The following BEND3 variants were observed in gnomAD, a reference collection of about 807,000 sequenced individuals.
BEND3 encodes the protein BEN domain-containing protein 3.
In BEND3, 13 loss-of-function variants were observed where a neutral mutation model predicts 60.1. The ratio of observed to expected loss-of-function variants is 0.22; its 90% CI spans 0.14 to 0.34. BEND3 has a LOEUF of 0.34. Ranked by LOEUF, BEND3 falls within the 10% of genes least tolerant of loss-of-function variation. The probability of loss-of-function intolerance (pLI) is 1.00; values close to 1 mark genes in which losing one functional copy is unlikely to be tolerated. For synonymous variants in BEND3, 497 were observed against 491.5 expected (o/e 1.01, Z -0.15); for missense variants, 896 against 1,138.1 (o/e 0.79, Z 3.06).
At chr6:107,108,226 T>A (rs1554237810) in intron 1 of BEND3, among the ~76,000 whole-genome samples, 1 of 152,190 alleles carries the variant, frequency 6.6e-6, no homozygotes, top group Non-Finnish European at 1.5e-5. Context: ...CGCACAACCC[T>A]GCCCGCGCGC....
chr6:107,093,276 C>T (rs781901779), intron 3 of BEND3, among the ~76,000 whole-genome samples: 3 of 151,948 alleles, frequency 2.0e-5, no homozygotes, highest in Non-Finnish European at 2.9e-5. Flanking sequence ...CTGGCTAATA[C>T]GGTGAAACCC....
chr6:107,082,800 T>G (rs1008950110), intron 3 of BEND3, among the ~76,000 whole-genome samples: 14 of 152,228 alleles, frequency 9.2e-5, no homozygotes, highest in African/African-American at 3.4e-4. Flanking sequence ...ACAAGTGAAC[T>G]GATACACTAA....
rs150257161 is a variant in BEND3 at position 107,068,931 on chromosome 6, C to T, written c.2260G>A (p.Ala754Thr). The T allele has an allele frequency of 1.5e-5, 25 of 1,613,724 alleles. No individual in the cohort carries two copies. The highest frequency in any genetic ancestry group is 8.0e-5 in the African/African-American group (6 of 74,860). Residue 754 changes from alanine (A) to threonine (T), a missense_variant, in exon 4 of 4, where the codon GCC becomes ACC. Ala to Thr is a moderately conservative substitution (Grantham distance 58, BLOSUM62 0). This residue lies in a region of BEND3 where 846 missense variants were observed against 1,036.7 expected (regional missense o/e 0.82). Coordinates refer to ENST00000369042, the MANE Select transcript of BEND3 (RefSeq NM_001367314.1). This position sits in a 1 kb window ranked among gnomAD's most constrained non-coding sequence, Gnocchi z 5.8. Reference protein sequence around the residue: ...LVRLFPELFTAENLRLQYNHS... With the variant: ...LVRLFPELFTTENLRLQYNHS... ...TTGTACTGCAGCCGGAGGTTCTCGG[C>T]GGTGAAGAGTTCGGGAAACAGGCGG...
At chr6:107,075,637 T>C (rs1442664578) in intron 3 of BEND3, among the ~76,000 whole-genome samples, 2 of 152,194 alleles carry the variant, frequency 1.3e-5, no homozygotes, top group Non-Finnish European at 2.9e-5. Flanking sequence ...ATCATAACTA[T>C]ATTAGGAGTG....
intron 1 of BEND3, among the ~76,000 whole-genome samples, chr6:107,107,155 TG>T (rs1775834251): frequency 6.6e-6 from 1 of 152,048 alleles, no homozygotes; most frequent in Non-Finnish European, 1.5e-5. Context: ...CCAGCTGGTC[TG>T]GAACTCCTGA....
chr6:107,089,540 C>T (rs1775428221), intron 3 of BEND3, among the ~76,000 whole-genome samples: 1 of 148,256 alleles, frequency 6.7e-6, no homozygotes, highest in South Asian at 2.2e-4. Context: ...GAGCCAAGAT[C>T]GTGCCACTGC....
chr6:107,065,218 AAC>A lies in BEND3; in HGVS notation c.*3484_*3485del, dbSNP rs782284451. On this transcript the variant is annotated 3_prime_UTR_variant, in exon 4 of 4. Coordinates refer to ENST00000369042, the MANE Select transcript of BEND3 (RefSeq NM_001367314.1). ...TTATAACATTTTATATAACTCATAA[AAC>A]AGTGTTTGTATAAAAATTCACACAA... 1 of 152,738 alleles carries A rather than the reference AAC, an allele frequency of 6.5e-6. No individual in the cohort carries two copies. Among genetic ancestry groups the A allele is most frequent in the South Asian group, 2.1e-4 (1 of 4,830 alleles). The allele number at this position is 152,738 out of a possible 1,614,324, so 9.5% of individuals were successfully genotyped here.
intron 1 of BEND3, among the ~76,000 whole-genome samples, chr6:107,107,927 A>G (rs1554237767): frequency 7.9e-5 from 12 of 152,198 alleles, no homozygotes. Flanking sequence ...GAATGTTCCC[A>G]TGCCATCCAC....
intron 3 of BEND3, among the ~76,000 whole-genome samples, chr6:107,078,357 C>T (rs1554233009): frequency 6.6e-6 from 1 of 151,750 alleles, no homozygotes; most frequent in Non-Finnish European, 1.5e-5. Context: ...GGTGGCCTCC[C>T]TTGATGGTGC....
intron 3 of BEND3, among the ~76,000 whole-genome samples, chr6:107,090,842 G>A (rs1173061475): frequency 6.6e-6 from 1 of 152,152 alleles, no homozygotes; most frequent in Non-Finnish European, 1.5e-5. Flanking sequence ...CAGGCGCAGT[G>A]GCTCATGCCT....
At chr6:107,080,964 T>A (rs1457396159) in intron 3 of BEND3, among the ~76,000 whole-genome samples, 1 of 152,124 alleles carries the variant, frequency 6.6e-6, no homozygotes, top group Non-Finnish European at 1.5e-5. Context: ...TTATACAAAT[T>A]TATTTTTTAT....
chr6:107,078,799 T>C (rs747873564), intron 3 of BEND3, among the ~76,000 whole-genome samples: 10 of 151,068 alleles, frequency 6.6e-5, no homozygotes, highest in Non-Finnish European at 1.5e-4. Flanking sequence ...TGCTTGTTCT[T>C]GTATTTTAGC....
intron 3 of BEND3, among the ~76,000 whole-genome samples, chr6:107,085,243 A>G (rs1775319376): frequency 6.6e-6 from 1 of 152,120 alleles, no homozygotes; most frequent in Admixed American, 6.6e-5. Flanking sequence ...CTCTGGACAC[A>G]CCATCTTTAA....
chr6:107,081,906 T>C (rs1775242822), intron 3 of BEND3, among the ~76,000 whole-genome samples: 1 of 152,126 alleles, frequency 6.6e-6, no homozygotes, highest in South Asian at 2.1e-4. Context: ...AAGTGTGACA[T>C]CATTTGTGCA....
intron 1 of BEND3, among the ~76,000 whole-genome samples, chr6:107,108,061 T>A (rs537346122): frequency 6.6e-6 from 1 of 152,354 alleles, no homozygotes; most frequent in African/African-American, 2.4e-5. Context: ...AATTTGTTTT[T>A]ATTTTTAGGC....
chr6:107,110,674 CTTCAGCCTCCCGA>C (rs1431778483), intron 1 of BEND3, among the ~76,000 whole-genome samples: 4 of 152,094 alleles, frequency 2.6e-5, no homozygotes, highest in African/African-American at 9.7e-5. Context: ...GATTCTCCCG[CTTCAGCCTCCCGA>C]GTAGCTGGGA....
At chr6:107,113,723 G>A (rs961170234) in intron 1 of BEND3, among the ~76,000 whole-genome samples, 6 of 152,034 alleles carry the variant, frequency 3.9e-5, no homozygotes, top group Non-Finnish European at 8.8e-5. Context: ...ACAGGCTCTT[G>A]TATGGTAGTA....
intron 1 of BEND3, among the ~76,000 whole-genome samples, chr6:107,114,680 C>A (rs1345036750): frequency 6.8e-6 from 1 of 146,732 alleles, no homozygotes; most frequent in Non-Finnish European, 1.5e-5. Context: ...GCCGCCCCGG[C>A]CGCTCCATCG....
rs1554231972 is a variant in BEND3, at chr6:107,070,914, A to C, written c.277T>G (p.Ser93Ala). Residue 93 changes from serine to alanine, a missense_variant, in exon 4 of 4, where the codon TCG becomes GCG. Physicochemically the swap from Ser to Ala is moderately conservative, Grantham distance 99. Transcript: ENST00000369042. The surrounding 1 kb of genome is among the most constrained non-coding windows in gnomAD (Gnocchi z 6.9). Reference protein sequence around the residue: ...LAGMRNRENSSPCQGNGEQAG... With the variant: ...LAGMRNRENSAPCQGNGEQAG... The stretch of plus-strand genomic sequence containing the variant: ...TGCTCACCATTGCCTTGGCAGGGCG[A>C]GCTGTTCTCACGGTTCCGCATGCCT... 3 of 1,613,592 alleles carry C rather than the reference A, an allele frequency of 1.9e-6. No homozygotes were observed. Among genetic ancestry groups the C allele is most frequent in the Non-Finnish European group, 1.7e-6 (2 of 1,179,862 alleles).
Sources: gnomAD v4.1 joint callset for allele counts (sites outside exome capture counted in the v4.1 genomes callset) on GRCh38, gnomAD v4.1.1 for gene constraint, gnomAD v4.1.1 regional missense constraint, Gnocchi (gnomAD v3.1) non-coding constraint, MANE v1.5 for transcripts, NCBI Gene and HGNC (gene_info 2026-07-23, HGNC 2026-07-21) for gene names.